The following OR2T2 variants were observed in gnomAD, a reference collection of about 807,000 sequenced individuals.
OR2T2 encodes the protein olfactory receptor family 2 subfamily T member 2.
For missense variants in OR2T2, 138 were observed against 409.1 expected, an observed-to-expected ratio of 0.34 and a Z score of 5.72; for synonymous variants, 50 against 162.7, an observed-to-expected ratio of 0.31 and a Z score of 5.27.
At chr1:248,452,584 T>C (rs1662822237) in intron 2 of OR2T2, among the ~76,000 whole-genome samples, 192 bp from the exon 4 acceptor site, 1 of 132,620 alleles carries the variant, frequency 7.5e-6, no homozygotes, top group Non-Finnish European at 1.5e-5. Flanking sequence ...CTTTCACAGA[T>C]GATGAAATTG....
At chr1:248,447,829 T>G (rs1662701165) in intron 2 of OR2T2, among the ~76,000 whole-genome samples, 2 of 151,764 alleles carry the variant, frequency 1.3e-5, no homozygotes, top group South Asian at 4.2e-4. Flanking sequence ...TGACATGGTA[T>G]TCCTCTCTTT....
chr1:248,447,644 A>G (rs1225795387), intron 2 of OR2T2, among the ~76,000 whole-genome samples: 1 of 151,400 alleles, frequency 6.6e-6, no homozygotes, highest in Non-Finnish European at 1.5e-5. Flanking sequence ...TCGGAATCAG[A>G]CCGGTTTCCC....
Position 248,447,558 on chromosome 1 carries a change from C to CTAA in OR2T2, c.-23+749_-23+751dup, listed in dbSNP as rs199788553. On this transcript the variant is annotated intron_variant, in intron 2 of 2. Transcript: ENST00000642130. ...CTCTCTCTTCCACCCCTAGTGCCTG[C>CTAA]TAATTCCCATTTGCGAGCCTTTTGA... is the stretch of plus-strand genomic sequence containing the variant. 6.3e-3 allele frequency among the ~76,000 whole-genome samples: 943 copies of CTAA among 148,946 alleles called. 6 individuals carry two copies. Among genetic ancestry groups the CTAA allele is most frequent in the African/African-American group, 0.022 (885 of 39,336 alleles).
At chr1:248,449,928 G>A (rs1261718308) in intron 2 of OR2T2, among the ~76,000 whole-genome samples, 2 of 137,848 alleles carry the variant, frequency 1.5e-5, no homozygotes, top group Non-Finnish European at 3.0e-5. Flanking sequence ...GATGGGGAAT[G>A]GAATCTAGGA....
chr1:248,450,433 CCTCTT>C (rs1230886928), intron 2 of OR2T2, among the ~76,000 whole-genome samples: 1 of 147,202 alleles, frequency 6.8e-6, no homozygotes, highest in Non-Finnish European at 1.5e-5. Context: ...TTTTTACTCT[CCTCTT>C]CTGGGATCCT....
chr1:248,453,351 T>C, exon 3 of OR2T2: 2 of 1,568,798 alleles, frequency 1.3e-6, no homozygotes, highest in Non-Finnish European at 1.7e-6. Flanking sequence ...ATCCCAGCCG[T>C]GCTGAAGTTG....
exon 2 of OR2T2, chr1:248,446,703 C>T (rs1402512033): frequency 6.8e-6 from 1 of 148,120 alleles, no homozygotes; most frequent in Non-Finnish European, 1.5e-5. Flanking sequence ...CATCACAGCC[C>T]TCCTGCTGGC....
intron 2 of OR2T2, among the ~76,000 whole-genome samples, chr1:248,447,518 A>T (rs568841134): frequency 6.8e-6 from 1 of 146,228 alleles, no homozygotes; most frequent in Non-Finnish European, 1.5e-5. Flanking sequence ...AGCTGTAGTT[A>T]GACTGGACTC....
chr1:248,447,301 A>G (rs1487033345), intron 2 of OR2T2, among the ~76,000 whole-genome samples: 1 of 151,338 alleles, frequency 6.6e-6, no homozygotes, highest in Non-Finnish European at 1.5e-5. Context: ...GGCTATGAAC[A>G]CTTATGAGTA....
chr1:248,453,809 C>T (rs371983469), exon 3 of OR2T2: 217 of 1,462,286 alleles, frequency 1.5e-4, no homozygotes, highest in Admixed American at 4.8e-4. Context: ...TGACTGTGAT[C>T]GGGAAGGATT....
intron 2 of OR2T2, 47 bp from the exon 3 acceptor site, chr1:248,449,147 A>AG (rs1662732766): frequency 6.9e-6 from 1 of 145,416 alleles, no homozygotes; most frequent in African/African-American, 2.5e-5. Flanking sequence ...TTTGTGCTTC[A>AG]GGCATTCTGT....
At chr1:248,447,108 ATAAGG>A (rs1277293649) in intron 2 of OR2T2, among the ~76,000 whole-genome samples, 139 of 152,046 alleles carry the variant, frequency 9.1e-4, no homozygotes, top group African/African-American at 2.9e-3. Context: ...AGAACTGGAG[ATAAGG>A]TAAGGGAAAA....
intron 2 of OR2T2, 149 bp from the exon 4 acceptor site, chr1:248,452,627 A>T: frequency 2.6e-6 from 2 of 783,510 alleles, no homozygotes; most frequent in Non-Finnish European, 4.1e-6. Context: ...AATATCATAC[A>T]GATCATTAAT....
At chr1:248,448,000 C>T (rs1281217469) in intron 2 of OR2T2, among the ~76,000 whole-genome samples, 1 of 152,286 alleles carries the variant, frequency 6.6e-6, no homozygotes, top group Non-Finnish European at 1.5e-5. Context: ...TTCACACTGT[C>T]TATGCTACCC....
In OR2T2 at chr1:248,450,347, CTTTTT is replaced by C. The variant is rs201321023; in HGVS notation, c.-22-2420_-22-2416del. 1.7e-3 allele frequency among the ~76,000 whole-genome samples: 232 copies of C among 139,190 alleles called. 9 individuals carry two copies. Among genetic ancestry groups the C allele is most frequent in the Non-Finnish European group, 2.4e-3 (158 of 66,828 alleles). The allele number at this position is 139,190 out of a possible 152,430, so 91.3% of individuals were successfully genotyped here. On this transcript the variant is annotated intron_variant, in intron 2 of 2. Transcript: ENST00000642130. ...CAACGCTCACACTCACAAGGAACCT[CTTTTT>C]TTTTTTTTAACACGGTCTCGGTTGT...
intron 2 of OR2T2, among the ~76,000 whole-genome samples, chr1:248,448,146 G>A (rs1662711459): frequency 1.3e-5 from 2 of 151,032 alleles, no homozygotes; most frequent in African/African-American, 2.4e-5. Context: ...ATGTGCCAAA[G>A]AGAGGCTGTA....
rs1662669103 is a variant in OR2T2 at position 248,446,785 on chromosome 1, G to GGT, written c.-47_-46dup. The GGT allele has an allele frequency of 6.7e-6, 1 of 148,950 alleles. No homozygotes were observed. The highest frequency in any genetic ancestry group is 1.5e-5 in the Non-Finnish European group (1 of 67,968). 9.2% of individuals were successfully genotyped at this position (148,950 alleles called of 1,614,324 possible). ...TGTACTTCTTTCTTTCTTGTCCATTGGTGATATCCTTGACAATGTAGTTTA... is the reference window on the plus strand; with the variant it reads ...TGTACTTCTTTCTTTCTTGTCCATTGGTGTGATATCCTTGACAATGTAGTTTA... On this transcript the variant is annotated 5_prime_UTR_variant, in exon 2 of 3. The change abolishes the stop of an existing upstream ORF in the 5' untranslated region. Transcript: ENST00000642130.
chr1:248,446,063 T>G (rs112869397), intron 1 of OR2T2, among the ~76,000 whole-genome samples: 1 of 143,684 alleles, frequency 7.0e-6, no homozygotes, highest in African/African-American at 2.8e-5. Flanking sequence ...CTCTGAATAT[T>G]TTGTTAAAAT....
At chr1:248,446,598 G>A (rs78056010) in exon 2 of OR2T2, 8,714 of 142,908 alleles carry the variant, frequency 0.061, 95 homozygotes, top group East Asian at 0.15. Flanking sequence ...GCGTTAGCAG[G>A]GTGGACTGGA....
Sources: gnomAD v4.1 joint callset for allele counts (sites outside exome capture counted in the v4.1 genomes callset) on GRCh38, gnomAD v4.1.1 for gene constraint, MANE v1.5 for transcripts, NCBI Gene and HGNC (gene_info 2026-07-23, HGNC 2026-07-21) for gene names.